PCDHGA10: variants seen among roughly 807,000 people sequenced by gnomAD.
The protein encoded by PCDHGA10 is protocadherin gamma-A10.
In PCDHGA10, 42 loss-of-function variants were observed where a neutral mutation model predicts 59.5. The observed-to-expected ratio is 0.71, with a 90% CI of 0.55 to 0.91. The LOEUF (loss-of-function observed/expected upper bound fraction) is 0.91. Ranked by LOEUF, PCDHGA10 falls within the 40% of genes least tolerant of loss-of-function variation. The pLI, the probability that PCDHGA10 is intolerant of heterozygous loss-of-function variation, is 0.00. For synonymous variants in PCDHGA10, 511 were observed against 517.2 expected (o/e 0.99, Z 0.16); for missense variants, 1,111 against 1,198.2 (o/e 0.93, Z 1.07).
rs2095864519 is a variant in PCDHGA10 at position 141,415,395 on chromosome 5, CGGCTCGCACTTT to C, written c.2222_2233del (p.Gly741_Phe744del). The C allele has an allele frequency of 1.2e-6, 2 of 1,614,092 alleles. No individual in the cohort carries two copies. The stretch of plus-strand genomic sequence containing the variant: ...CAGGAGGCGGCTTGACAGGTGTGTC[CGGCTCGCACTTT>C]GTGGGCGTGGACGGGGTTCGGGCTT... On this transcript the variant is annotated inframe_deletion, in exon 1 of 4. Transcript: ENST00000398610.
chr5:141,423,765 G>A (rs775053869), intron 1 of PCDHGA10: 11 of 233,406 alleles, frequency 4.7e-5, no homozygotes, highest in Admixed American at 1.2e-4. Context: ...GGGGGGTGGG[G>A]CGGCATATAT....
rs202162316 is a variant in PCDHGA10, at chr5:141,490,194, T to C, written c.2437-4613T>C. ...TTGAGGAGTCACGTTTCTATGAAAT[T>C]CATGCAAGAGCCCGTGACCAGGGAC... is the stretch of plus-strand genomic sequence containing the variant. On this transcript the variant is annotated intron_variant, in intron 1 of 3. Transcript: ENST00000398610. The surrounding 1 kb of genome is among the most constrained non-coding windows in gnomAD (Gnocchi z 5.4). The C allele has an allele frequency of 8.1e-6, 13 of 1,614,186 alleles. No individual in the cohort carries two copies. The highest frequency in any genetic ancestry group is 1.1e-5 in the Non-Finnish European group (13 of 1,180,030).
intron 1 of PCDHGA10, chr5:141,423,720 A>T: frequency 3.1e-6 from 3 of 957,770 alleles, no homozygotes; most frequent in Admixed American, 5.5e-5. Context: ...TTTTAAGGAG[A>T]TGTTTTTTGA....
chr5:141,419,923 G>A, intron 1 of PCDHGA10: 4 of 1,614,088 alleles, frequency 2.5e-6, no homozygotes, highest in Non-Finnish European at 3.4e-6. Flanking sequence ...AGGCTGAGAT[G>A]CAGTTTTACC....
In PCDHGA10 at chr5:141,489,873, G is replaced by A. The variant is rs1252665956; in HGVS notation, c.2437-4934G>A. The A allele has an allele frequency of 4.3e-6, 7 of 1,614,224 alleles. No homozygotes were observed. The highest frequency in any genetic ancestry group is 5.9e-6 in the Non-Finnish European group (7 of 1,180,030). On this transcript the variant is annotated intron_variant, in intron 1 of 3. Coordinates refer to ENST00000398610, the MANE Select transcript of PCDHGA10 (RefSeq NM_018913.3). The surrounding 1 kb of genome is among the most constrained non-coding windows in gnomAD (Gnocchi z 4.5). Reference sequence around the variant, plus strand: ...AAGCCCAGGCAAGACATCAGCTGGTGCTTACTGCTGTGGATGGGGGGACCC... The same window carrying A: ...AAGCCCAGGCAAGACATCAGCTGGTACTTACTGCTGTGGATGGGGGGACCC...
intron 1 of PCDHGA10, among the ~76,000 whole-genome samples, chr5:141,458,719 G>A (rs891521416): frequency 5.9e-5 from 9 of 151,684 alleles, no homozygotes; most frequent in Non-Finnish European, 1.2e-4. Context: ...ACAGGTATTC[G>A]CCACCACATC....
intron 1 of PCDHGA10, chr5:141,421,248 C>G: frequency 1.2e-6 from 2 of 1,604,936 alleles, no homozygotes; most frequent in Middle Eastern, 1.7e-4. Flanking sequence ...GGCTACAGCG[C>G]GGGGACCGCA....
intron 1 of PCDHGA10, among the ~76,000 whole-genome samples, chr5:141,469,449 C>A (rs1017174114): frequency 2.0e-5 from 3 of 151,846 alleles, no homozygotes; most frequent in African/African-American, 7.3e-5. Context: ...GTGGTGCACA[C>A]CTGTAGTCTC....
intron 1 of PCDHGA10, among the ~76,000 whole-genome samples, chr5:141,454,194 G>A (rs949915652): frequency 6.6e-5 from 10 of 152,304 alleles, no homozygotes; most frequent in Non-Finnish European, 4.4e-5. Context: ...CTTAGTGAAG[G>A]TGAATTTATT....
intron 1 of PCDHGA10, among the ~76,000 whole-genome samples, chr5:141,462,068 C>T (rs1006462521): frequency 6.6e-6 from 1 of 152,196 alleles, no homozygotes; most frequent in African/African-American, 2.4e-5. Context: ...GGTGATCTGC[C>T]CGCCTTGGCC....
In PCDHGA10 at chr5:141,414,040, C is replaced by T; in HGVS notation, c.865C>T (p.Pro289Ser). The T allele has an allele frequency of 1.2e-6, 2 of 1,611,438 alleles. No individual in the cohort carries two copies. Among genetic ancestry groups the T allele is most frequent in the Non-Finnish European group, 1.7e-6 (2 of 1,178,918 alleles). The change falls in exon 1 of 4, where the codon CCT (proline) becomes TCT (serine). Residue 289 changes from proline (P) to serine (S), a missense_variant. Physicochemically the swap from Pro to Ser is moderately conservative, Grantham distance 74. Coordinates refer to ENST00000398610, the MANE Select transcript of PCDHGA10 (RefSeq NM_018913.3). Reference sequence around the variant, plus strand: ...AGTGACATATTCATTCCGAAAATTACCTGACACGCAATTGTTGAAGTTCCA... The same window carrying T: ...AGTGACATATTCATTCCGAAAATTATCTGACACGCAATTGTTGAAGTTCCA... ...GEVTYSFRKL[P>S]DTQLLKFQLN...
chr5:141,437,715 C>T (rs2097903335), intron 1 of PCDHGA10, among the ~76,000 whole-genome samples: 1 of 151,772 alleles, frequency 6.6e-6, no homozygotes, highest in Non-Finnish European at 1.5e-5. Context: ...ACACAGTTAC[C>T]CTCTAATGTT....
chr5:141,481,691 C>G (rs929210528), intron 1 of PCDHGA10, among the ~76,000 whole-genome samples: 3 of 152,080 alleles, frequency 2.0e-5, no homozygotes, highest in African/African-American at 4.8e-5. Context: ...TGGTGGCTCA[C>G]GCCTGTAATC....
In PCDHGA10 at chr5:141,432,908, C is replaced by T. The variant is rs757934634; in HGVS notation, c.2436+17297C>T. On this transcript the variant is annotated intron_variant, in intron 1 of 3. Transcript: ENST00000398610. This position sits in a 1 kb window ranked among gnomAD's most constrained non-coding sequence, Gnocchi z 6.0. Reference sequence around the variant, plus strand: ...CATCTTGCTGCTGGCGCTCAGGCTGCGGCGCTGGCACAAGTCACGCCTGCT... The same window carrying T: ...CATCTTGCTGCTGGCGCTCAGGCTGTGGCGCTGGCACAAGTCACGCCTGCT... 3.7e-5 allele frequency: 60 copies of T among 1,614,050 alleles called. No individual in the cohort carries two copies. Among genetic ancestry groups the T allele is most frequent in the Middle Eastern group, 3.3e-4 (2 of 6,082 alleles).
Position 141,486,484 on chromosome 5 carries a change from C to A in PCDHGA10, c.2437-8323C>A. On this transcript the variant is annotated intron_variant, in intron 1 of 3. Transcript: ENST00000398610. This position sits in a 1 kb window ranked among gnomAD's most constrained non-coding sequence, Gnocchi z 5.0. ...ATGCTGGGAACCCTCCTCTCAGTAC[C>A]CACAGAACTATTTTCCTCAATATTT... is the stretch of plus-strand genomic sequence containing the variant. 5 of 1,614,102 alleles carry A rather than the reference C, an allele frequency of 3.1e-6. No homozygotes were observed. Among genetic ancestry groups the A allele is most frequent in the Non-Finnish European group, 4.2e-6 (5 of 1,179,930 alleles).
chr5:141,478,857 C>A, intron 1 of PCDHGA10: 1 of 1,353,600 alleles, frequency 7.4e-7, no homozygotes, highest in Non-Finnish European at 9.8e-7. Context: ...AACACAAGAT[C>A]TCAGCGATCA....
chr5:141,464,896 G>C (rs1166142533), intron 1 of PCDHGA10, among the ~76,000 whole-genome samples: 2 of 151,554 alleles, frequency 1.3e-5, no homozygotes, highest in African/African-American at 4.8e-5. Context: ...ATGCCACCAT[G>C]TCCAGCTAAT....
chr5:141,511,581 T>C lies in PCDHGA10; in HGVS notation c.*408T>C, dbSNP rs2099883862. ...TCTTTCCCGAGTAAGGTGGTTGGGG[T>C]GTTGAAGTACCAAGTAACCTACAAG... On this transcript the variant is annotated 3_prime_UTR_variant, in exon 4 of 4. Transcript: ENST00000398610. 1 of 281,638 alleles carries C rather than the reference T, an allele frequency of 3.6e-6. No homozygotes were observed. The highest frequency in any genetic ancestry group is 2.2e-5 in the African/African-American group (1 of 46,302). 17.4% of individuals were successfully genotyped at this position (281,638 alleles called of 1,614,324 possible). A position where few individuals can be genotyped will look rare whatever the true frequency, so the allele number is the denominator to read the frequency against.
intron 1 of PCDHGA10, chr5:141,423,010 G>C: frequency 6.2e-7 from 1 of 1,614,226 alleles, no homozygotes; most frequent in South Asian, 1.1e-5. Context: ...GGTGGTTGCG[G>C]TGGACAAAGA....
Sources: gnomAD v4.1 joint callset for allele counts (sites outside exome capture counted in the v4.1 genomes callset) on GRCh38, gnomAD v4.1.1 for gene constraint, Gnocchi (gnomAD v3.1) non-coding constraint, MANE v1.5 for transcripts, NCBI Gene and HGNC (gene_info 2026-07-23, HGNC 2026-07-21) for gene names.